The following THBS2 variants were observed in gnomAD, a reference collection of about 807,000 sequenced individuals.
THBS2 encodes the protein thrombospondin-2.
THBS2 carries 47 observed loss-of-function variants against 135.2 expected under a neutral mutation model. The ratio of observed to expected loss-of-function variants is 0.35; its 90% CI spans 0.28 to 0.44. THBS2 has a LOEUF of 0.44. Ranked by LOEUF, THBS2 falls within the 20% of genes least tolerant of loss-of-function variation. The pLI is 1.00. For synonymous variants in THBS2, 639 were observed against 633.8 expected, an observed-to-expected ratio of 1.01 and a Z score of -0.12; for missense variants, 1,288 against 1,603.1, an observed-to-expected ratio of 0.80 and a Z score of 3.36.
At chr6:169,246,721 G>GCCTT (rs1469163647) in intron 3 of THBS2, among the ~76,000 whole-genome samples, 4 of 152,156 alleles carry the variant, frequency 2.6e-5, no homozygotes, top group Non-Finnish European at 5.9e-5. Context: ...CTGCAGGAGC[G>GCCTT]CCTTCCGCAG....
intron 13 of THBS2, among the ~76,000 whole-genome samples, chr6:169,231,494 AAGCAGTCC>A (rs1233749006): frequency 6.6e-6 from 1 of 152,160 alleles, no homozygotes; most frequent in Non-Finnish European, 1.5e-5. Context: ...GGCCACAGGA[AAGCAGTCC>A]AGCCTGGGAT....
At chr6:169,226,155 C>A in intron 16 of THBS2, 25 bp downstream of exon 16, 2 of 1,594,980 alleles carry the variant, frequency 1.3e-6, no homozygotes. Context: ...GACCTCCAAC[C>A]CCGCCTGTCT....
chr6:169,251,022 G>T (rs1303518185), intron 1 of THBS2, among the ~76,000 whole-genome samples: 3 of 152,202 alleles, frequency 2.0e-5, no homozygotes, highest in African/African-American at 7.2e-5. Flanking sequence ...GCATTTGCCG[G>T]CAAGCACTGC....
At chr6:169,228,937 CCAAA>C (rs775256410) in intron 14 of THBS2, among the ~76,000 whole-genome samples, 6 of 150,136 alleles carry the variant, frequency 4.0e-5, no homozygotes, top group Non-Finnish European at 8.9e-5. Context: ...TTAGCCCTCG[CCAAA>C]CACTTTTTCC....
At position 169,248,407 on chromosome 6, in the gene THBS2, C is replaced by A; in HGVS notation, c.609+10G>T. 2.5e-6 allele frequency: 4 copies of A among 1,592,436 alleles called. No homozygotes were observed. The highest frequency in any genetic ancestry group is 1.7e-5 in the Admixed American group (1 of 59,454). ...CTCCCTCACGGCGGCCACCTCCCTG[C>A]AGAGCGTACCCTGAAGTGACTCTCT... On this transcript the variant is annotated intron_variant, in intron 3 of 21. Coordinates refer to ENST00000617924, the MANE Select transcript of THBS2 (RefSeq NM_003247.5).
chr6:169,250,596 A>G (rs996714952), intron 2 of THBS2, 137 bp downstream of exon 2: 4 of 639,810 alleles, frequency 6.3e-6, no homozygotes, highest in Admixed American at 6.9e-5. Context: ...GTAAGTTACT[A>G]TTTGATTTAT....
chr6:169,239,144 T>C (rs1261333417), intron 7 of THBS2: 1 of 156,572 alleles, frequency 6.4e-6, no homozygotes, highest in African/African-American at 2.4e-5. Context: ...TTCCTTAGAA[T>C]GTATTTCTAT....
At chr6:169,225,407 C>T (rs1304051552) in intron 16 of THBS2, 28 bp from the exon 17 acceptor site, 4 of 1,546,404 alleles carry the variant, frequency 2.6e-6, no homozygotes, top group South Asian at 2.4e-5. Flanking sequence ...AGAGAAACAG[C>T]AGAGGACTGC....
chr6:169,246,414 T>A (rs1780558127), intron 3 of THBS2, 133 bp from the exon 4 acceptor site: 1 of 712,172 alleles, frequency 1.4e-6, no homozygotes, highest in South Asian at 1.8e-5. Flanking sequence ...CGTAGCAGGT[T>A]TGCAATCTCT....
intron 8 of THBS2, 94 bp from the exon 9 acceptor site, chr6:169,237,440 G>A (rs2115008946): frequency 6.5e-7 from 1 of 1,528,998 alleles, no homozygotes; most frequent in Admixed American, 1.8e-5. Flanking sequence ...GCATCTCACA[G>A]CTGCTGAGGA....
In THBS2 at chr6:169,217,828, A is replaced by T. The variant is rs572471815; in HGVS notation, c.3513T>A (p.Asp1171Glu). Residue 1171 changes from aspartate to glutamate, a missense_variant and splice_region_variant, in exon 22 of 22, where the codon GAT (aspartate) becomes GAA (glutamate). By Grantham distance (45) the Asp-to-Glu change is conservative. Coordinates refer to ENST00000617924, the MANE Select transcript of THBS2 (RefSeq NM_003247.5). ...GAAATGCAGCAAATCTTGTTTAAAT[A>T]TCTACAAAAAGAAAAAAAAAAGCAA... The part of the protein sequence containing the change: ...YFSDLKYECR[D>E]I 1.3e-6 allele frequency: 2 copies of T among 1,556,578 alleles called. No individual in the cohort carries two copies. The highest frequency in any genetic ancestry group is 1.7e-6 in the Non-Finnish European group (2 of 1,158,762).
intron 9 of THBS2, among the ~76,000 whole-genome samples, chr6:169,236,031 C>T (rs1210088290): frequency 1.7e-5 from 2 of 116,762 alleles, no homozygotes; most frequent in Non-Finnish European, 3.6e-5. Context: ...CTCCCCCATC[C>T]ACACTCCCTC....
Position 169,228,924 on chromosome 6 carries a change from G to A in THBS2, c.2260-643C>T, listed in dbSNP as rs984884095. ...GAGCGACCAAAAAAAAAAAAAAAAA[G>A]AGTTAGCCCTCGCCAAACACTTTTT... On this transcript the variant is annotated intron_variant, in intron 14 of 21. Coordinates refer to ENST00000617924, the MANE Select transcript of THBS2 (RefSeq NM_003247.5). 1.2e-3 allele frequency among the ~76,000 whole-genome samples: 119 copies of A among 96,136 alleles called. 2 individuals are homozygous for A. Among genetic ancestry groups the A allele is most frequent in the Non-Finnish European group, 1.4e-3 (62 of 42,980 alleles). The allele number at this position is 96,136 out of a possible 152,430, so 63.1% of individuals were successfully genotyped here.
chr6:169,220,436 T>C, intron 20 of THBS2, 99 bp from the exon 21 acceptor site: 2 of 1,453,814 alleles, frequency 1.4e-6, no homozygotes, highest in Non-Finnish European at 1.9e-6. Context: ...ACACAAGCTG[T>C]GGATACTCCG....
chr6:169,232,151 G>A lies in THBS2; in HGVS notation c.1980C>T (p.His660=), dbSNP rs746875278. The change falls in exon 13 of 22, where the codon CAC becomes CAT. Residue 660 remains histidine (H), a synonymous_variant. Transcript: ENST00000617924. The part of the protein sequence containing the change: ...NPCKDKTHNC[H]KHAECIYLGH... ...CCAGGTAGATGCACTCCGCGTGCTTGTGGCAGTTGTGTGTCTTGTCCTTGC... is the reference window on the plus strand; with the variant it reads ...CCAGGTAGATGCACTCCGCGTGCTTATGGCAGTTGTGTGTCTTGTCCTTGC... 1.9e-6 allele frequency: 3 copies of A among 1,614,070 alleles called. No individual in the cohort carries two copies. Among genetic ancestry groups the A allele is most frequent in the Non-Finnish European group, 2.5e-6 (3 of 1,179,964 alleles).
intron 14 of THBS2, among the ~76,000 whole-genome samples, chr6:169,228,592 G>A (rs561857092): frequency 6.3e-4 from 95 of 151,862 alleles, no homozygotes; most frequent in Non-Finnish European, 1.2e-3. Flanking sequence ...GACCAGGGCC[G>A]GGCGCAGTGG....
At chr6:169,225,573 C>T (rs1186725566) in intron 16 of THBS2, among the ~76,000 whole-genome samples, 194 bp from the exon 17 acceptor site, 2 of 152,244 alleles carry the variant, frequency 1.3e-5, no homozygotes, top group Non-Finnish European at 2.9e-5. Flanking sequence ...CCTCTCGGTC[C>T]AGGAATCTCT....
At chr6:169,226,538 G>T (rs767865482) in intron 15 of THBS2, among the ~76,000 whole-genome samples, 3 of 152,202 alleles carry the variant, frequency 2.0e-5, no homozygotes, top group Non-Finnish European at 4.4e-5. Context: ...AACTTTTGGA[G>T]ATTTCTGGGT....
intron 21 of THBS2, among the ~76,000 whole-genome samples, chr6:169,219,267 T>A (rs1779326092): frequency 7.5e-6 from 1 of 134,216 alleles, no homozygotes; most frequent in Non-Finnish European, 1.6e-5. Flanking sequence ...GATGGGTGGG[T>A]GGATGGATGG....
Sources: gnomAD v4.1 joint callset for allele counts (sites outside exome capture counted in the v4.1 genomes callset) on GRCh38, gnomAD v4.1.1 for gene constraint, MANE v1.5 for transcripts, NCBI Gene and HGNC (gene_info 2026-07-23, HGNC 2026-07-21) for gene names.